The following SNRNP200 variants were observed in gnomAD, a reference collection of about 807,000 sequenced individuals.
SNRNP200 encodes U5 small nuclear ribonucleoprotein 200 kDa helicase.
In SNRNP200, 66 loss-of-function variants were observed where a neutral mutation model predicts 255.2. The ratio of observed to expected loss-of-function variants is 0.26; its 90% CI spans 0.21 to 0.32. The LOEUF is 0.32. Ranked by LOEUF, SNRNP200 falls within the 10% of genes least tolerant of loss-of-function variation. SNRNP200 has a pLI of 1.00. For missense variants in SNRNP200, 1,585 were observed against 2,749.8 expected (o/e 0.58, Z 9.47); for synonymous variants, 939 against 1,027.8 (o/e 0.91, Z 1.65).
chr2:96,303,763 G>A (rs969329212), intron 2 of SNRNP200, among the ~76,000 whole-genome samples: 1 of 151,928 alleles, frequency 6.6e-6, no homozygotes, highest in African/African-American at 2.4e-5. Flanking sequence ...AGTGGCGAGC[G>A]CCTGTAATCC....
intron 35 of SNRNP200, among the ~76,000 whole-genome samples, chr2:96,281,030 A>G (rs887493999): frequency 6.0e-5 from 9 of 148,984 alleles, no homozygotes; most frequent in African/African-American, 2.2e-4. Context: ...CTGCCATCAA[A>G]CCTGGCTAAT....
chr2:96,298,435 AG>A lies in SNRNP200; in HGVS notation c.983-16del. 6.2e-7 allele frequency: 1 copy of A among 1,614,156 alleles called. No homozygotes were observed. Among genetic ancestry groups the A allele is most frequent in the Non-Finnish European group, 8.5e-7 (1 of 1,180,008 alleles). On this transcript the variant is annotated splice_polypyrimidine_tract_variant and intron_variant, in intron 8 of 44. Transcript: ENST00000323853. ...ACAGTATAAAACTACCCACAACAAAAGGAACAAAGGAAGTGAGGAGGAGGAA... is the reference window on the plus strand; with the variant it reads ...ACAGTATAAAACTACCCACAACAAAAGAACAAAGGAAGTGAGGAGGAGGAA...
chr2:96,280,085 G>A (rs992662825), intron 35 of SNRNP200, among the ~76,000 whole-genome samples: 5 of 152,252 alleles, frequency 3.3e-5, no homozygotes, highest in Middle Eastern at 3.4e-3. Flanking sequence ...TCATAGTTGT[G>A]TATTTCGTGA....
At chr2:96,276,148 A>G (rs1233141814) in intron 43 of SNRNP200, among the ~76,000 whole-genome samples, 1 of 152,276 alleles carries the variant, frequency 6.6e-6, no homozygotes, top group Non-Finnish European at 1.5e-5. Context: ...GAGCCTTGAA[A>G]CAATTAGTTT....
Position 96,290,436 on chromosome 2 carries a change from A to T in SNRNP200, c.2632T>A (p.Tyr878Asn). 6.2e-7 allele frequency: 1 copy of T among 1,614,114 alleles called. No individual in the cohort carries two copies. Among genetic ancestry groups the T allele is most frequent in the East Asian group, 2.2e-5 (1 of 44,892 alleles). ...ILITSHGELQ[Y>N]YLSLLNQQLP... ...TGTTGATTGAGGAGGGACAGGTAGT[A>T]CTGTAGCTCCCCATGAGATGTGATG... The change falls in exon 20 of 45, where the codon TAC becomes AAC. Residue 878 changes from tyrosine to asparagine, a missense_variant. Physicochemically the swap from Tyr to Asn is moderately radical, Grantham distance 143 (BLOSUM62 -2). This residue lies in a region of SNRNP200 where 719 missense variants were observed against 1,091.1 expected (regional missense o/e 0.66). Transcript: ENST00000323853. The surrounding 1 kb of genome is among the most constrained non-coding windows in gnomAD (Gnocchi z 4.5).
chr2:96,281,797 G>C lies in SNRNP200; in HGVS notation c.5024+17C>G, dbSNP rs553620182. Reference sequence around the variant, plus strand: ...GGAAGGAGGTCTGTGCTAACACAGAGCACCAGTTGTACTCACGCGTGGATC... The same window carrying C: ...GGAAGGAGGTCTGTGCTAACACAGACCACCAGTTGTACTCACGCGTGGATC... On this transcript the variant is annotated intron_variant, in intron 35 of 44. Coordinates refer to ENST00000323853, the MANE Select transcript of SNRNP200 (RefSeq NM_014014.5). The C allele has an allele frequency of 6.4e-7, 1 of 1,556,758 alleles. No homozygotes were observed. Among genetic ancestry groups the C allele is most frequent in the Non-Finnish European group, 8.9e-7 (1 of 1,127,650 alleles).
At chr2:96,276,001 G>A (rs909803477) in intron 43 of SNRNP200, among the ~76,000 whole-genome samples, 13 of 152,048 alleles carry the variant, frequency 8.5e-5, no homozygotes, top group East Asian at 3.8e-4. Flanking sequence ...GCGAGACTCC[G>A]TCTCAAAAAA....
At position 96,274,934 on chromosome 2, in the gene SNRNP200, A is replaced by T; in HGVS notation, c.*78T>A. The stretch of plus-strand genomic sequence containing the variant: ...CCTGAGGCCCACAGACCTGGTCCCC[A>T]CAACCAGGATTCCTACAATGTACAC... On this transcript the variant is annotated 3_prime_UTR_variant, in exon 45 of 45. Transcript: ENST00000323853. 16 of 1,566,104 alleles carry T rather than the reference A, an allele frequency of 1.0e-5. No homozygotes were observed. Among genetic ancestry groups the T allele is most frequent in the Non-Finnish European group, 1.4e-5 (16 of 1,140,514 alleles).
At position 96,287,804 on chromosome 2, in the gene SNRNP200, A is replaced by G; in HGVS notation, c.3365+59T>C. The G allele has an allele frequency of 7.1e-7, 1 of 1,415,916 alleles. No homozygotes were observed. The allele number at this position is 1,415,916 out of a possible 1,614,324, so 87.7% of individuals were successfully genotyped here. ...ATGCACCCTGAGGCTTTCCCATCAG[A>G]CCCTTGGGTTGGGGACCCCCACTCA... On this transcript the variant is annotated intron_variant, in intron 25 of 44. Coordinates refer to ENST00000323853, the MANE Select transcript of SNRNP200 (RefSeq NM_014014.5). The surrounding 1 kb of genome is among the most constrained non-coding windows in gnomAD (Gnocchi z 5.7).
Position 96,291,708 on chromosome 2 carries a change from G to A in SNRNP200, c.2310+43C>T, listed in dbSNP as rs745332687. ...CTGTCTGGGGCCTGAGATGGACACA[G>A]CTGCCAGGTAGGAATGAGAGAACCC... is the stretch of plus-strand genomic sequence containing the variant. On this transcript the variant is annotated intron_variant, in intron 17 of 44. Transcript: ENST00000323853. The surrounding 1 kb of genome is among the most constrained non-coding windows in gnomAD (Gnocchi z 4.2). The A allele has an allele frequency of 2.5e-6, 4 of 1,610,954 alleles. No individual in the cohort carries two copies. The highest frequency in any genetic ancestry group is 3.4e-6 in the Non-Finnish European group (4 of 1,178,216).
In SNRNP200 at chr2:96,277,467, C is replaced by T. The variant is rs891455393; in HGVS notation, c.5931+72G>A. 9 of 1,577,034 alleles carry T rather than the reference C, an allele frequency of 5.7e-6. No individual in the cohort carries two copies. Among genetic ancestry groups the T allele is most frequent in the East Asian group, 2.2e-5 (1 of 44,734 alleles). On this transcript the variant is annotated intron_variant, in intron 41 of 44. Transcript: ENST00000323853. The surrounding 1 kb of genome is among the most constrained non-coding windows in gnomAD (Gnocchi z 4.4). ...TTAACTTACTGAGACTCACCTCCCG[C>T]AACCCACGCTCGGTCCACAACACTG... is the stretch of plus-strand genomic sequence containing the variant.
chr2:96,300,064 AAGTCTT>A (rs2063942874), intron 5 of SNRNP200, among the ~76,000 whole-genome samples: 1 of 152,154 alleles, frequency 6.6e-6, no homozygotes, highest in South Asian at 2.1e-4. Context: ...TCAAACTCAG[AAGTCTT>A]GGCTCCTAGT....
chr2:96,284,398 A>C lies in SNRNP200; in HGVS notation c.4352T>G (p.Phe1451Cys). 2 of 1,614,084 alleles carry C rather than the reference A, an allele frequency of 1.2e-6. No homozygotes were observed. Among genetic ancestry groups the C allele is most frequent in the Non-Finnish European group, 1.7e-6 (2 of 1,179,978 alleles). ...QRKNVQNINL[F>C]VVDEVHLIGG... is the part of the protein sequence containing the mutation. ...GATAAGGTGGACCTCATCCACCACG[A>C]AGAGGTTGATGTTCTGCACGTTCTT... is the stretch of plus-strand genomic sequence containing the variant. The change falls in exon 31 of 45, where the codon TTC becomes TGC. Residue 1451 changes from phenylalanine (F) to cysteine (C), a missense_variant. Physicochemically the swap from Phe to Cys is radical, Grantham distance 205. Around this residue, in one of 9 missense-constraint regions of SNRNP200, gnomAD observed 719 missense variants for 1,091.1 expected, o/e 0.66. Transcript: ENST00000323853.
chr2:96,285,470 G>C (rs1002955678), intron 29 of SNRNP200, 130 bp from the exon 30 acceptor site: 2 of 1,001,556 alleles, frequency 2.0e-6, no homozygotes, highest in African/African-American at 3.2e-5. Context: ...TGCAGACAGA[G>C]GAGCTAAGGC....
At position 96,274,835 on chromosome 2, in the gene SNRNP200, G is replaced by A. The variant is rs574239505; in HGVS notation, c.*177C>T. 5.6e-6 allele frequency: 4 copies of A among 710,814 alleles called. No individual in the cohort carries two copies. The African/African-American group carries it at 7.0e-5, about 12-fold the overall frequency. The allele number at this position is 710,814 out of a possible 1,614,324, so 44.0% of individuals were successfully genotyped here. On this transcript the variant is annotated 3_prime_UTR_variant, in exon 45 of 45. Transcript: ENST00000323853. ...TTATGCTTGACCCATGACACCTGCT[G>A]TCACTGGATCCAGAGTGAGCAAGGG...
Position 96,291,860 on chromosome 2 carries a change from G to A in SNRNP200, c.2201C>T (p.Thr734Ile). The A allele has an allele frequency of 6.2e-7, 1 of 1,614,152 alleles. No homozygotes were observed. Among genetic ancestry groups the A allele is most frequent in the Non-Finnish European group, 8.5e-7 (1 of 1,180,022 alleles). ...FVHSRKETGK[T>I]ARAIRDMCLE... is the part of the protein sequence containing the mutation. ...GCACATGTCCCGGATGGCCCTGGCT[G>A]TCTTTCCAGTCTCCTTCCGGGAGTG... Residue 734 changes from threonine (T) to isoleucine (I), a missense_variant, in exon 17 of 45, where the codon ACA (threonine) becomes ATA (isoleucine). By Grantham distance (89) the Thr-to-Ile change is moderately conservative. Around this residue, in one of 9 missense-constraint regions of SNRNP200, gnomAD observed 140 missense variants for 274.9 expected, o/e 0.51. Transcript: ENST00000323853. The surrounding 1 kb of genome is among the most constrained non-coding windows in gnomAD (Gnocchi z 4.2).
At chr2:96,292,745 C>G (rs546708696) in intron 16 of SNRNP200, among the ~76,000 whole-genome samples, 1 of 152,250 alleles carries the variant, frequency 6.6e-6, no homozygotes, top group African/African-American at 2.4e-5. Flanking sequence ...GAGAACTGGT[C>G]CATTTCTTCT....
In SNRNP200 at chr2:96,298,877, G is replaced by A. The variant is rs778937829; in HGVS notation, c.820C>T (p.Arg274Cys). The change falls in exon 7 of 45, where the codon CGT (arginine) becomes TGT (cysteine). Residue 274 changes from arginine to cysteine, a missense_variant. By Grantham distance (180) the Arg-to-Cys change is radical. Around this residue, in one of 9 missense-constraint regions of SNRNP200, gnomAD observed 383 missense variants for 645.3 expected, o/e 0.59. Coordinates refer to ENST00000323853, the MANE Select transcript of SNRNP200 (RefSeq NM_014014.5). ...GACACGATGGCATCATCATAGAAAC[G>A]ACTGAGCTGCCGCTGCAGCCAAAAT... Reference protein sequence around the residue: ...DAFWLQRQLSRFYDDAIVSQK... With the variant: ...DAFWLQRQLSCFYDDAIVSQK... 6 of 1,614,090 alleles carry A rather than the reference G, an allele frequency of 3.7e-6. No individual in the cohort carries two copies. The highest frequency in any genetic ancestry group is 1.6e-4 in the Middle Eastern group (1 of 6,062).
In SNRNP200 at chr2:96,286,670, T is replaced by A. The variant is rs2063845707; in HGVS notation, c.3829+18A>T. ...TTGGAGGGACTGTTCCTGGGGACTC[T>A]GGAGAGGAGACACTCACAGAGCCAG... is the stretch of plus-strand genomic sequence containing the variant. On this transcript the variant is annotated intron_variant, in intron 28 of 44. Coordinates refer to ENST00000323853, the MANE Select transcript of SNRNP200 (RefSeq NM_014014.5). This position sits in a 1 kb window ranked among gnomAD's most constrained non-coding sequence, Gnocchi z 4.8. 1.9e-6 allele frequency: 3 copies of A among 1,612,426 alleles called. No homozygotes were observed. The South Asian group carries it at 3.3e-5, about 18-fold the overall frequency.
Sources: allele counts gnomAD v4.1 joint callset (sites outside exome capture counted in the v4.1 genomes callset), GRCh38; gene constraint gnomAD v4.1.1; regional missense constraint gnomAD v4.1.1; non-coding constraint Gnocchi (gnomAD v3.1); transcripts MANE v1.5; gene names NCBI Gene and HGNC (gene_info 2026-07-23, HGNC 2026-07-21).